Variants in ARHGEF7 observed in about 807,000 individuals in gnomAD.
The protein encoded by ARHGEF7 is PAK-interacting exchange factor beta.
Under a neutral mutation model 109.8 loss-of-function variants are expected in ARHGEF7, and 33 were observed. The observed-to-expected ratio is 0.30, with a 90% CI of 0.23 to 0.40. The LOEUF is 0.40. Among genes scored for constraint, ARHGEF7 ranks in the 10% least tolerant of loss-of-function variants. The pLI, the probability that ARHGEF7 is intolerant of heterozygous loss-of-function variation, is 1.00. For missense variants in ARHGEF7, 938 were observed against 1,098.5 expected (o/e 0.85, Z 2.07); for synonymous variants, 458 against 424.6 (o/e 1.08, Z -0.97).
chr13:111,158,096 A>G (rs1206149546), intron 2 of ARHGEF7, among the ~76,000 whole-genome samples: 5 of 152,220 alleles, frequency 3.3e-5, no homozygotes, highest in African/African-American at 1.2e-4. Context: ...TTAGCAACAA[A>G]ATTATTATAA....
At chr13:111,148,242 T>G (rs59407175) in intron 1 of ARHGEF7, among the ~76,000 whole-genome samples, 19,080 of 152,304 alleles carry the variant, frequency 0.13, 1,357 homozygotes, top group African/African-American at 0.14. Flanking sequence ...AGCCACTCTG[T>G]GCAAAAAGAT....
intron 2 of ARHGEF7, chr13:111,186,862 A>G (rs1328500965): frequency 2.7e-5 from 27 of 985,302 alleles, no homozygotes; most frequent in Non-Finnish European, 3.1e-5. Context: ...GAGATGGTGG[A>G]AAGTGAGGAG....
At position 111,273,971 on chromosome 13, in the gene ARHGEF7, C is replaced by G. The variant is rs1466582898; in HGVS notation, c.1212+19C>G. On this transcript the variant is annotated intron_variant, in intron 10 of 21. Transcript: ENST00000646102. The surrounding 1 kb of genome is among the most constrained non-coding windows in gnomAD (Gnocchi z 4.5). ...CATGGAGGTACTGCGCTTTCATTCT[C>G]TTACTTGGAGTCCTTACCAAGGGTT... The G allele has an allele frequency of 5.0e-6, 8 of 1,613,124 alleles. No individual in the cohort carries two copies. In the Admixed American group the frequency reaches 6.7e-5, roughly 13 times the overall value.
At chr13:111,173,687 A>G (rs2077814801) in intron 2 of ARHGEF7, among the ~76,000 whole-genome samples, 1 of 152,014 alleles carries the variant, frequency 6.6e-6, no homozygotes, top group South Asian at 2.1e-4. Flanking sequence ...CTTGTGTTTC[A>G]TGGCTGCCAA....
chr13:111,247,120 C>T (rs1440599407), intron 8 of ARHGEF7, among the ~76,000 whole-genome samples: 1 of 152,172 alleles, frequency 6.6e-6, no homozygotes, highest in African/African-American at 2.4e-5. Flanking sequence ...TTTTCTTTCT[C>T]AGCTATTTCT....
rs561412989 is a variant in ARHGEF7, at chr13:111,197,001, G to A, written c.253-8288G>A. On this transcript the variant is annotated intron_variant, in intron 2 of 21. Transcript: ENST00000646102. ...CAGGGTTTCTGGGTCAAATTGGTCCGAATGGCTTAGGATGCATTTCAAGGG... is the reference window on the plus strand; with the variant it reads ...CAGGGTTTCTGGGTCAAATTGGTCCAAATGGCTTAGGATGCATTTCAAGGG... 1.8e-4 allele frequency among the ~76,000 whole-genome samples: 27 copies of A among 152,262 alleles called. No individual in the cohort carries two copies. The South Asian group carries it at 5.4e-3, about 30-fold the overall frequency.
chr13:111,299,842 G>C (rs1184040009), intron 19 of ARHGEF7, among the ~76,000 whole-genome samples: 1 of 152,154 alleles, frequency 6.6e-6, no homozygotes, highest in Non-Finnish European at 1.5e-5. Context: ...CAACATGAGT[G>C]TCCCTTCTTC....
intron 3 of ARHGEF7, among the ~76,000 whole-genome samples, chr13:111,206,960 T>TAAAAAA (rs35814705): frequency 1.1e-4 from 6 of 53,700 alleles, no homozygotes; most frequent in East Asian, 4.6e-4. Context: ...AGACTCCATC[T>TAAAAAA]AAAAAAAAAA....
chr13:111,219,220 G>C (rs1396247153), intron 5 of ARHGEF7, among the ~76,000 whole-genome samples: 2 of 152,148 alleles, frequency 1.3e-5, no homozygotes, highest in African/African-American at 4.8e-5. Flanking sequence ...TTCTGTCTCT[G>C]AATTTGATTA....
chr13:111,163,940 A>T (rs924580862), intron 2 of ARHGEF7, among the ~76,000 whole-genome samples: 9 of 152,226 alleles, frequency 5.9e-5, no homozygotes, highest in African/African-American at 2.2e-4. Flanking sequence ...TCTTCACATT[A>T]AGTCTATAAA....
At chr13:111,267,494 G>A in intron 8 of ARHGEF7, 54 bp from the exon 9 acceptor site, 8 of 1,607,520 alleles carry the variant, frequency 5.0e-6, no homozygotes, top group South Asian at 1.1e-5. Context: ...TCAGTTAGCA[G>A]TTGTCCTGTC....
chr13:111,186,004 G>T (rs946804044), intron 2 of ARHGEF7, among the ~76,000 whole-genome samples: 35 of 145,688 alleles, frequency 2.4e-4, no homozygotes, highest in African/African-American at 8.2e-4. Context: ...GTGTGTGTGT[G>T]TTTTCGTTTT....
At chr13:111,159,144 T>C in intron 2 of ARHGEF7, 3 of 709,612 alleles carry the variant, frequency 4.2e-6, no homozygotes, top group Non-Finnish European at 7.8e-6. Flanking sequence ...AGTATTTGTC[T>C]TTTTGTGCCC....
chr13:111,210,406 G>T (rs1354337685), intron 4 of ARHGEF7, among the ~76,000 whole-genome samples: 1 of 152,198 alleles, frequency 6.6e-6, no homozygotes, highest in African/African-American at 2.4e-5. Flanking sequence ...AAAGAATCTG[G>T]CCTTTCTTCT....
intron 2 of ARHGEF7, among the ~76,000 whole-genome samples, chr13:111,166,631 G>A (rs12875771): frequency 0.03 from 4,532 of 152,318 alleles, 82 homozygotes; most frequent in Middle Eastern, 0.068. Context: ...GATGGGGTAT[G>A]CAGGAGAGGA....
At chr13:111,198,438 G>A (rs945785276) in intron 2 of ARHGEF7, among the ~76,000 whole-genome samples, 9 of 152,106 alleles carry the variant, frequency 5.9e-5, no homozygotes, top group African/African-American at 1.2e-4. Context: ...TGGTGTGTCC[G>A]GAGTTTGTTC....
intron 1 of ARHGEF7, among the ~76,000 whole-genome samples, chr13:111,123,513 C>G (rs1345262268): frequency 1.3e-5 from 2 of 152,092 alleles, no homozygotes; most frequent in East Asian, 3.9e-4. Context: ...CCGTGCCATT[C>G]TTAACTAGGG....
intron 8 of ARHGEF7, chr13:111,265,625 T>C (rs1399603252): frequency 2.2e-6 from 1 of 456,728 alleles, no homozygotes; most frequent in Admixed American, 2.3e-5. Flanking sequence ...CAGACACATT[T>C]GGGAGCCAGA....
chr13:111,221,493 A>ATATATC (rs1555372651), intron 5 of ARHGEF7, among the ~76,000 whole-genome samples: 4 of 43,584 alleles, frequency 9.2e-5, no homozygotes, highest in Non-Finnish European at 1.4e-4. Context: ...ATATATAGAC[A>ATATATC]TATATATATC....
Sources: allele counts gnomAD v4.1 joint callset (sites outside exome capture counted in the v4.1 genomes callset), GRCh38; gene constraint gnomAD v4.1.1; non-coding constraint Gnocchi (gnomAD v3.1); transcripts MANE v1.5; gene names NCBI Gene and HGNC (gene_info 2026-07-23, HGNC 2026-07-21).